GK5: variants seen among roughly 807,000 people sequenced by gnomAD.
GK5 encodes the protein glycerol kinase 5, also known as ATP:glycerol 3-phosphotransferase 5.
In GK5, 39 loss-of-function variants were observed where a neutral mutation model predicts 77.3. That is an observed-to-expected ratio of 0.50 (90% confidence interval 0.39 to 0.66). The LOEUF is 0.66. Among genes scored for constraint, GK5 ranks in the 30% least tolerant of loss-of-function variants. GK5 has a pLI of 0.00. For missense variants in GK5, 487 were observed against 633.8 expected (o/e 0.77, Z 2.49); for synonymous variants, 211 against 208.0 (o/e 1.01, Z -0.13).
At chr3:142,209,084 G>A (rs1446955825) in intron 3 of GK5, among the ~76,000 whole-genome samples, 1 of 152,014 alleles carries the variant, frequency 6.6e-6, no homozygotes, top group Non-Finnish European at 1.5e-5. Context: ...GGGAGGCAGA[G>A]CTTGCAGTGA....
In GK5 at chr3:142,212,824, A is replaced by ATTTTCTTTTTT. The variant is rs1553839426; in HGVS notation, c.317+691_317+701dup. ...TATGCCTCATATGCTATAGACAAAT[A>ATTTTCTTTTTT]TTTTCTTTTTTTTTTCTTTTTTTTT... On this transcript the variant is annotated intron_variant, in intron 3 of 15. Coordinates refer to ENST00000392993, the MANE Select transcript of GK5 (RefSeq NM_001039547.3). Among the ~76,000 whole-genome samples, 91 of 129,954 alleles carry ATTTTCTTTTTT rather than the reference A, an allele frequency of 7.0e-4. 1 individual carries two copies. Among genetic ancestry groups the ATTTTCTTTTTT allele is most frequent in the African/African-American group, 2.2e-3 (75 of 33,600 alleles). 85.3% of individuals were successfully genotyped at this position (129,954 alleles called of 152,430 possible). A position where few individuals can be genotyped will look rare whatever the true frequency, so the allele number is the denominator to read the frequency against.
At chr3:142,188,214 T>C (rs1170609208) in intron 5 of GK5, among the ~76,000 whole-genome samples, 1 of 151,994 alleles carries the variant, frequency 6.6e-6, no homozygotes, top group Admixed American at 6.6e-5. Context: ...CTAGCCAACA[T>C]GGTGAAACCC....
rs1221713386 is a variant in GK5, at chr3:142,172,435, C to G, written c.1165G>C (p.Ala389Pro). The G allele has an allele frequency of 1.3e-6, 2 of 1,596,052 alleles. No homozygotes were observed. The highest frequency in any genetic ancestry group is 1.7e-6 in the Non-Finnish European group (2 of 1,167,166). ...GLQAPLNDPW[A>P]CASFMGLKPS... ...TTCAAACCCATAAAAGAGGCACATG[C>G]CCAGGGGTCATTTAATGGAGCCTAC... Residue 389 changes from alanine to proline, a missense_variant, in exon 13 of 16, where the codon GCA becomes CCA. Coordinates refer to ENST00000392993, the MANE Select transcript of GK5 (RefSeq NM_001039547.3).
intron 5 of GK5, among the ~76,000 whole-genome samples, chr3:142,188,561 G>C (rs75450442): frequency 0.034 from 5,242 of 152,300 alleles, 296 homozygotes; most frequent in African/African-American, 0.12. Flanking sequence ...CCCAAAGCTG[G>C]GATGGCATAC....
At chr3:142,193,988 C>T (rs1173545946) in intron 5 of GK5, among the ~76,000 whole-genome samples, 1 of 151,964 alleles carries the variant, frequency 6.6e-6, no homozygotes, top group Non-Finnish European at 1.5e-5. Context: ...TGATCCACCC[C>T]CCTCGGCCTC....
At chr3:142,206,174 C>T (rs1368963808) in intron 3 of GK5, among the ~76,000 whole-genome samples, 1 of 152,154 alleles carries the variant, frequency 6.6e-6, no homozygotes, top group Non-Finnish European at 1.5e-5. Context: ...TTGGTACACA[C>T]TTGGGTTGTT....
intron 5 of GK5, among the ~76,000 whole-genome samples, chr3:142,192,216 G>A (rs922073546): frequency 2.0e-5 from 3 of 152,172 alleles, no homozygotes; most frequent in Non-Finnish European, 4.4e-5. Context: ...AACAGCAAAT[G>A]TTGGCAAGGA....
Position 142,172,414 on chromosome 3 carries a change from A to G in GK5, c.1186T>C (p.Leu396=), listed in dbSNP as rs1206290596. ...DPWACASFMG[L]KPSTSKYHLV... is the part of the protein sequence containing the mutation. ...TGGTATTTACTGGTAGAAGGCTTCA[A>G]ACCCATAAAAGAGGCACATGCCCAG... Residue 396 remains leucine (L), a synonymous_variant, in exon 13 of 16, where the codon TTG becomes CTG. Transcript: ENST00000392993. 1 of 1,606,014 alleles carries G rather than the reference A, an allele frequency of 6.2e-7. No homozygotes were observed. The highest frequency in any genetic ancestry group is 1.7e-5 in the Admixed American group (1 of 59,956).
intron 13 of GK5, among the ~76,000 whole-genome samples, 170 bp from the exon 14 acceptor site, chr3:142,171,648 G>A (rs1318553124): frequency 6.6e-6 from 1 of 152,062 alleles, no homozygotes; most frequent in Non-Finnish European, 1.5e-5. Context: ...CTGTATAACA[G>A]ATACTCAAAT....
chr3:142,221,649 T>C (rs1013259282), intron 1 of GK5, among the ~76,000 whole-genome samples: 1 of 152,214 alleles, frequency 6.6e-6, no homozygotes, highest in African/African-American at 2.4e-5. Context: ...GACATTATCA[T>C]TTTTTATAGT....
In GK5 at chr3:142,160,148, T is replaced by C; in HGVS notation, c.*5474A>G. 6.6e-6 allele frequency: 1 copy of C among 152,426 alleles called. No individual in the cohort carries two copies. The highest frequency in any genetic ancestry group is 1.5e-5 in the Non-Finnish European group (1 of 68,234). The allele number at this position is 152,426 out of a possible 1,614,324, so 9.4% of individuals were successfully genotyped here. ...CAGGCGTGAGCCACTACACCTGGCC[T>C]TTTTCTCTCTTTTTTTAAATTGAGA... On this transcript the variant is annotated 3_prime_UTR_variant, in exon 16 of 16. Transcript: ENST00000392993.
intron 11 of GK5, among the ~76,000 whole-genome samples, chr3:142,177,853 T>C (rs2063639006): frequency 2.0e-5 from 3 of 147,972 alleles, no homozygotes; most frequent in East Asian, 3.9e-4. Context: ...CTTACGTTTT[T>C]TTTCTTTTTT....
chr3:142,172,470 T>C lies in GK5; in HGVS notation c.1144-14A>G, dbSNP rs1312029629. 1.5e-6 allele frequency: 2 copies of C among 1,357,906 alleles called. No individual in the cohort carries two copies. Among genetic ancestry groups the C allele is most frequent in the Non-Finnish European group, 2.1e-6 (2 of 958,556 alleles). The allele number at this position is 1,357,906 out of a possible 1,614,324, so 84.1% of individuals were successfully genotyped here. A position where few individuals can be genotyped will look rare whatever the true frequency, so the allele number is the denominator to read the frequency against. ...ATTTAATGGAGCCTACAGTAAGAGA[T>C]AACAAGAATATATTATTATTATTCT... is the stretch of plus-strand genomic sequence containing the variant. On this transcript the variant is annotated splice_polypyrimidine_tract_variant and intron_variant, in intron 12 of 15. Transcript: ENST00000392993.
chr3:142,180,961 A>T (rs1482328108), intron 11 of GK5, among the ~76,000 whole-genome samples: 5 of 152,220 alleles, frequency 3.3e-5, no homozygotes, highest in Admixed American at 6.5e-5. Context: ...CAGACTGACC[A>T]CTGGGTGGCA....
chr3:142,203,967 C>T (rs958243631), intron 4 of GK5, among the ~76,000 whole-genome samples: 1 of 152,140 alleles, frequency 6.6e-6, no homozygotes, highest in African/African-American at 2.4e-5. Flanking sequence ...GCTATTGTCA[C>T]TGTCACCATC....
chr3:142,170,301 C>G, intron 15 of GK5, 24 bp downstream of exon 15: 1 of 1,612,306 alleles, frequency 6.2e-7, no homozygotes, highest in Non-Finnish European at 8.5e-7. Context: ...AGAAAACTCT[C>G]ATTCTTATAA....
chr3:142,198,825 A>G lies in GK5; in HGVS notation c.520T>C (p.Trp174Arg), dbSNP rs1168112294. The stretch of plus-strand genomic sequence containing the variant: ...ACCTCAGTCAAGTTCTGTAAAATCC[A>G]GACCAATCTCAAAGAAGTCTGCTGG... ...TTQQTSLRLV[W>R]ILQNLTEVQK... The change falls in exon 5 of 16, where the codon TGG becomes CGG. Residue 174 changes from tryptophan to arginine, a missense_variant. This residue lies in a region of GK5 where 323 missense variants were observed against 437.4 expected (regional missense o/e 0.74). Coordinates refer to ENST00000392993, the MANE Select transcript of GK5 (RefSeq NM_001039547.3). 4.3e-6 allele frequency: 7 copies of G among 1,612,468 alleles called. No homozygotes were observed. Among genetic ancestry groups the G allele is most frequent in the Non-Finnish European group, 5.9e-6 (7 of 1,179,366 alleles).
chr3:142,207,174 T>C (rs1012430601), intron 3 of GK5, among the ~76,000 whole-genome samples: 1 of 152,136 alleles, frequency 6.6e-6, no homozygotes, highest in African/African-American at 2.4e-5. Context: ...CAGATGTTCA[T>C]AGCTCTGGGA....
At chr3:142,182,223 A>G (rs1343255010) in intron 10 of GK5, among the ~76,000 whole-genome samples, 1 of 152,238 alleles carries the variant, frequency 6.6e-6, no homozygotes, top group Admixed American at 6.5e-5. Flanking sequence ...TCTATTAAAA[A>G]GAGCAAATTC....
Sources: allele counts gnomAD v4.1 joint callset (sites outside exome capture counted in the v4.1 genomes callset), GRCh38; gene constraint gnomAD v4.1.1; regional missense constraint gnomAD v4.1.1; transcripts MANE v1.5; gene names NCBI Gene and HGNC (gene_info 2026-07-23, HGNC 2026-07-21).